The following RSPO2 variants were observed in gnomAD, a reference collection of about 807,000 sequenced individuals.
RSPO2 encodes the protein R-spondin-2.
A neutral mutation model predicts 30.9 loss-of-function variants in RSPO2; 14 were observed. That is an observed-to-expected ratio of 0.45 (90% CI 0.30 to 0.71). The LOEUF is 0.71. Among genes scored for constraint, RSPO2 ranks in the 30% least tolerant of loss-of-function variants. The pLI is 0.08. For missense variants in RSPO2, 264 were observed against 301.9 expected, an observed-to-expected ratio of 0.87 and a Z score of 0.93; for synonymous variants, 107 against 96.4, an observed-to-expected ratio of 1.11 and a Z score of -0.64.
intron 5 of RSPO2, among the ~76,000 whole-genome samples, chr8:107,904,716 C>G (rs1400363885): frequency 6.6e-6 from 1 of 151,972 alleles, no homozygotes; most frequent in Non-Finnish European, 1.5e-5. Context: ...CTCTTAGTCT[C>G]TATGTTTATA....
chr8:107,945,054 T>A (rs1488911458), intron 5 of RSPO2, among the ~76,000 whole-genome samples: 1 of 151,926 alleles, frequency 6.6e-6, no homozygotes, highest in Non-Finnish European at 1.5e-5. Context: ...TATATAATGG[T>A]TTAAGGAATT....
Position 107,941,707 on chromosome 8 carries a change from T to C in RSPO2, c.616+16373A>G, listed in dbSNP as rs145579915. On this transcript the variant is annotated intron_variant, in intron 5 of 5. Transcript: ENST00000276659. ...GTTCTGTTCACACGCAGAAATCTGC[T>C]TGGTTTCACAGTGAGCAGACTTGGT... Among the ~76,000 whole-genome samples the C allele has an allele frequency of 3.3e-4, 50 of 152,348 alleles. 1 individual carries two copies. The highest frequency in any genetic ancestry group is 3.4e-3 in the Middle Eastern group (1 of 294).
chr8:107,919,452 C>A (rs1487666031), intron 5 of RSPO2, among the ~76,000 whole-genome samples: 1 of 152,090 alleles, frequency 6.6e-6, no homozygotes, highest in Non-Finnish European at 1.5e-5. Flanking sequence ...GACTAGACTG[C>A]CTTTGTAAGA....
intron 2 of RSPO2, among the ~76,000 whole-genome samples, chr8:108,053,097 A>G (rs1245642097): frequency 6.6e-6 from 1 of 152,098 alleles, no homozygotes; most frequent in Non-Finnish European, 1.5e-5. Flanking sequence ...CTAGGTCTCA[A>G]CTGGGGGACT....
chr8:108,041,178 T>C (rs1319344898), intron 2 of RSPO2, among the ~76,000 whole-genome samples: 1 of 96,432 alleles, frequency 1.0e-5, no homozygotes, highest in African/African-American at 4.1e-5. Context: ...CACAACATTT[T>C]AGAAAGAGCT....
chr8:107,934,036 G>A (rs1477233366), intron 5 of RSPO2, among the ~76,000 whole-genome samples: 4 of 152,040 alleles, frequency 2.6e-5, no homozygotes, highest in Admixed American at 2.6e-4. Flanking sequence ...AAATGAAGGA[G>A]GAATCCTCCT....
chr8:108,062,246 G>A (rs543875269), intron 2 of RSPO2, among the ~76,000 whole-genome samples: 1 of 151,880 alleles, frequency 6.6e-6, no homozygotes, highest in Admixed American at 6.5e-5. Context: ...ATGAATCCAG[G>A]AACTGGTTTT....
intron 5 of RSPO2, among the ~76,000 whole-genome samples, chr8:107,906,366 A>T (rs1361544850): frequency 6.6e-6 from 1 of 150,826 alleles, no homozygotes; most frequent in African/African-American, 2.4e-5. Context: ...TATATTTTAT[A>T]TTTTTATTTT....
chr8:108,044,816 C>T (rs1017563547), intron 2 of RSPO2, among the ~76,000 whole-genome samples: 1 of 152,090 alleles, frequency 6.6e-6, no homozygotes, highest in Non-Finnish European at 1.5e-5. Flanking sequence ...AATTTACACT[C>T]CCATCAGTGT....
At chr8:108,003,247 ATGTATGTG>A (rs112344054) in intron 2 of RSPO2, among the ~76,000 whole-genome samples, 20,518 of 58,034 alleles carry the variant, frequency 0.35, 3,158 homozygotes, top group South Asian at 0.48. Context: ...ATATGTATGT[ATGTATGTG>A]TGTGTGTGTG....
At chr8:108,040,100 A>G (rs1811707362) in intron 2 of RSPO2, among the ~76,000 whole-genome samples, 1 of 152,286 alleles carries the variant, frequency 6.6e-6, no homozygotes. Flanking sequence ...GAATAAAGAC[A>G]TCCTTTCTCA....
At chr8:108,018,595 A>C (rs1034483019) in intron 2 of RSPO2, among the ~76,000 whole-genome samples, 1 of 152,236 alleles carries the variant, frequency 6.6e-6, no homozygotes, top group Admixed American at 6.5e-5. Flanking sequence ...TCCAGGCCTA[A>C]GGAGTTTCAT....
chr8:107,916,197 T>C (rs1016110597), intron 5 of RSPO2, among the ~76,000 whole-genome samples: 4 of 152,214 alleles, frequency 2.6e-5, no homozygotes, highest in Admixed American at 2.6e-4. Context: ...CTTCAAAATG[T>C]AGACATTTGG....
intron 5 of RSPO2, among the ~76,000 whole-genome samples, chr8:107,908,480 TCTA>T (rs774808253): frequency 2.6e-4 from 40 of 152,250 alleles, no homozygotes; most frequent in Admixed American, 4.6e-4. Flanking sequence ...AAAATACGAC[TCTA>T]CTATTTGTGT....
At chr8:107,910,957 C>A (rs1287603680) in intron 5 of RSPO2, among the ~76,000 whole-genome samples, 1 of 152,000 alleles carries the variant, frequency 6.6e-6, no homozygotes, top group Non-Finnish European at 1.5e-5. Context: ...AGAGTCTTCC[C>A]AAAAATCAAG....
chr8:107,934,371 CTTTTT>C (rs3039296), intron 5 of RSPO2, among the ~76,000 whole-genome samples: 1 of 141,834 alleles, frequency 7.1e-6, no homozygotes, highest in Admixed American at 7.0e-5. Flanking sequence ...TCTCATTTCC[CTTTTT>C]TTTTTTTTTT....
intron 5 of RSPO2, among the ~76,000 whole-genome samples, chr8:107,936,509 G>T (rs761501861): frequency 6.6e-6 from 1 of 152,066 alleles, no homozygotes; most frequent in African/African-American, 2.4e-5. Context: ...GGGTCATACG[G>T]TAGTTTCAGT....
chr8:108,054,132 C>A (rs1812161909), intron 2 of RSPO2, among the ~76,000 whole-genome samples: 1 of 152,156 alleles, frequency 6.6e-6, no homozygotes, highest in Admixed American at 6.5e-5. Context: ...AAACAAGGCT[C>A]TCACCCTTTT....
intron 2 of RSPO2, among the ~76,000 whole-genome samples, chr8:108,007,009 T>C (rs1484167736): frequency 6.6e-6 from 1 of 152,188 alleles, no homozygotes; most frequent in South Asian, 2.1e-4. Flanking sequence ...ATAACCACAA[T>C]ACCATTGCCA....
Sources: allele counts gnomAD v4.1 joint callset (sites outside exome capture counted in the v4.1 genomes callset), GRCh38; gene constraint gnomAD v4.1.1; transcripts MANE v1.5; gene names NCBI Gene and HGNC (gene_info 2026-07-23, HGNC 2026-07-21).